Variants in SHISA6 observed in about 807,000 individuals in gnomAD.
SHISA6 encodes shisa family member 6.
SHISA6 carries 22 observed loss-of-function variants against 47.9 expected under a neutral mutation model. The observed-to-expected ratio is 0.46, with a 90% CI of 0.33 to 0.66. The LOEUF (loss-of-function observed/expected upper bound fraction) is 0.66. Ranked by LOEUF, SHISA6 falls within the 30% of genes least tolerant of loss-of-function variation. The pLI is 0.02. For synonymous variants in SHISA6, 388 were observed against 337.8 expected, an observed-to-expected ratio of 1.15 and a Z score of -1.63; for missense variants, 680 against 764.6, an observed-to-expected ratio of 0.89 and a Z score of 1.30.
chr17:11,443,805 C>G (rs1034477217), intron 3 of SHISA6, among the ~76,000 whole-genome samples: 31 of 152,082 alleles, frequency 2.0e-4, no homozygotes, highest in Admixed American at 2.0e-3. Flanking sequence ...ATTCCTAGTG[C>G]TTAGCAGTGT....
At chr17:11,344,525 C>T (rs68100708) in intron 2 of SHISA6, among the ~76,000 whole-genome samples, 2 of 151,870 alleles carry the variant, frequency 1.3e-5, no homozygotes, top group East Asian at 1.9e-4. Flanking sequence ...ATACCACCAC[C>T]GTTTATGAAA....
At chr17:11,290,261 A>T (rs1458532741) in intron 2 of SHISA6, 3 of 152,078 alleles carry the variant, frequency 2.0e-5, no homozygotes, top group Admixed American at 1.3e-4. Context: ...TGTAACTATT[A>T]TATGGGCACT....
intron 3 of SHISA6, among the ~76,000 whole-genome samples, chr17:11,456,146 C>T (rs529097757): frequency 1.8e-4 from 28 of 152,286 alleles, no homozygotes; most frequent in Admixed American, 1.8e-3. Flanking sequence ...GAGGCATTTA[C>T]TAAATGCACA....
chr17:11,274,649 G>T (rs1443167802), intron 2 of SHISA6, among the ~76,000 whole-genome samples: 1 of 152,270 alleles, frequency 6.6e-6, no homozygotes, highest in African/African-American at 2.4e-5. Context: ...AGGAGGAGAC[G>T]GCATCCGTAG....
At chr17:11,338,601 G>A (rs1443765200) in intron 2 of SHISA6, among the ~76,000 whole-genome samples, 1 of 151,684 alleles carries the variant, frequency 6.6e-6, no homozygotes, top group East Asian at 1.9e-4. Flanking sequence ...AGTAGAGATG[G>A]GGTTTCACCG....
chr17:11,539,374 G>A (rs756237682), intron 3 of SHISA6, among the ~76,000 whole-genome samples: 1 of 152,346 alleles, frequency 6.6e-6, no homozygotes, highest in South Asian at 2.1e-4. Context: ...GCCATTGAAT[G>A]ATCATGAAGA....
chr17:11,312,157 C>T (rs1216926594), intron 2 of SHISA6, among the ~76,000 whole-genome samples: 3 of 152,044 alleles, frequency 2.0e-5, no homozygotes, highest in Non-Finnish European at 4.4e-5. Flanking sequence ...AAGTTTAGGA[C>T]TTATTTATTA....
intron 3 of SHISA6, among the ~76,000 whole-genome samples, chr17:11,512,277 C>T (rs2071547060): frequency 6.6e-6 from 1 of 152,122 alleles, no homozygotes; most frequent in African/African-American, 2.4e-5. Context: ...CCTTTCCTTT[C>T]AGGAAAATGA....
Position 11,314,021 on chromosome 17 carries a change from C to T in SHISA6, c.799+50495C>T, listed in dbSNP as rs557339775. On this transcript the variant is annotated intron_variant, in intron 2 of 5. Coordinates refer to ENST00000441885, the MANE Select transcript of SHISA6 (RefSeq NM_207386.4). Reference sequence around the variant, plus strand: ...TGGGAGTCAGTGAAAAGAGACTGTGCTGTGATCATCCCAGTGAACAGCTCA... The same window carrying T: ...TGGGAGTCAGTGAAAAGAGACTGTGTTGTGATCATCCCAGTGAACAGCTCA... 4.6e-5 allele frequency among the ~76,000 whole-genome samples: 7 copies of T among 152,292 alleles called. No homozygotes were observed. The East Asian group carries it at 1.4e-3, about 29-fold the overall frequency.
intron 2 of SHISA6, among the ~76,000 whole-genome samples, chr17:11,325,375 C>T (rs1179010615): frequency 2.0e-5 from 3 of 152,218 alleles, no homozygotes; most frequent in Non-Finnish European, 4.4e-5. Context: ...GTTACCCTCC[C>T]CACTGCTGCG....
At chr17:11,247,095 GA>G (rs1204267489) in intron 1 of SHISA6, among the ~76,000 whole-genome samples, 3 of 152,238 alleles carry the variant, frequency 2.0e-5, no homozygotes, top group African/African-American at 7.2e-5. Context: ...CACAGCTAGA[GA>G]AAAAAGCCTA....
At chr17:11,299,602 C>T (rs926734552) in intron 2 of SHISA6, among the ~76,000 whole-genome samples, 2 of 152,122 alleles carry the variant, frequency 1.3e-5, no homozygotes, top group Admixed American at 1.3e-4. Flanking sequence ...AGGGGAGAAT[C>T]GATTTCCTTG....
intron 3 of SHISA6, among the ~76,000 whole-genome samples, chr17:11,382,647 T>C (rs775661276): frequency 6.6e-6 from 1 of 152,206 alleles, no homozygotes; most frequent in Non-Finnish European, 1.5e-5. Flanking sequence ...TCTTTCTGGA[T>C]CCTCTTCCTT....
chr17:11,338,454 T>A lies in SHISA6; in HGVS notation c.800-40960T>A, dbSNP rs182706545. On this transcript the variant is annotated intron_variant, in intron 2 of 5. Transcript: ENST00000441885. The stretch of plus-strand genomic sequence containing the variant: ...TCTCGCTCTGTCACCCAGGCTGGAG[T>A]GCAGTGGCATGATCTCGGCTCACTG... 4.9e-3 allele frequency among the ~76,000 whole-genome samples: 743 copies of A among 152,246 alleles called. 5 individuals are homozygous for A. The highest frequency in any genetic ancestry group is 8.0e-3 in the Non-Finnish European group (544 of 68,014).
chr17:11,343,189 A>C (rs1911594658), intron 2 of SHISA6, among the ~76,000 whole-genome samples: 1 of 152,216 alleles, frequency 6.6e-6, no homozygotes. Flanking sequence ...ATTGTGCATT[A>C]TTTCAGTGTT....
intron 2 of SHISA6, among the ~76,000 whole-genome samples, chr17:11,317,453 A>G (rs1455987544): frequency 3.3e-5 from 5 of 151,752 alleles, no homozygotes; most frequent in Non-Finnish European, 7.4e-5. Flanking sequence ...ATCTTTGTTC[A>G]GCACTTTTTC....
At chr17:11,365,494 T>A (rs2142233295) in intron 2 of SHISA6, among the ~76,000 whole-genome samples, 1 of 152,294 alleles carries the variant, frequency 6.6e-6, no homozygotes, top group South Asian at 2.1e-4. Context: ...GCCAGGCTGG[T>A]CTCAAGCTCC....
At chr17:11,519,248 G>A (rs1009159688) in intron 3 of SHISA6, among the ~76,000 whole-genome samples, 3 of 152,140 alleles carry the variant, frequency 2.0e-5, no homozygotes, top group East Asian at 1.9e-4. Flanking sequence ...CCCAGCATCC[G>A]TCAGCAGACA....
chr17:11,449,477 A>T (rs976902744), intron 3 of SHISA6, among the ~76,000 whole-genome samples: 4 of 152,104 alleles, frequency 2.6e-5, no homozygotes, highest in Admixed American at 1.3e-4. Flanking sequence ...AAAAGAAAAA[A>T]ATTGAGGCTT....
Sources: allele counts gnomAD v4.1 joint callset (sites outside exome capture counted in the v4.1 genomes callset), GRCh38; gene constraint gnomAD v4.1.1; transcripts MANE v1.5; gene names NCBI Gene and HGNC (gene_info 2026-07-23, HGNC 2026-07-21).